The following GLIS3 variants were observed in gnomAD, a reference collection of about 807,000 sequenced individuals.
GLIS3 encodes the protein GLIS family zinc finger 3.
GLIS3 carries 53 observed loss-of-function variants against 78.6 expected under a neutral mutation model. The ratio of observed to expected loss-of-function variants is 0.67; its 90% confidence interval spans 0.54 to 0.85. The LOEUF is 0.85. GLIS3 is among the 40% of genes least tolerant of loss of function. GLIS3 has a pLI of 0.00. For synonymous variants in GLIS3, 684 were observed against 509.9 expected, an observed-to-expected ratio of 1.34 and a Z score of -4.60; for missense variants, 1,703 against 1,231.1, an observed-to-expected ratio of 1.38 and a Z score of -5.74.
intron 2 of GLIS3, among the ~76,000 whole-genome samples, chr9:4,315,642 C>G (rs1348292366): frequency 1.3e-5 from 2 of 152,100 alleles, no homozygotes; most frequent in Non-Finnish European, 2.9e-5. Flanking sequence ...CTTTGTGTGG[C>G]TACATTCTCA....
At chr9:4,459,751 G>C in the GLIS3 span, among the ~76,000 whole-genome samples, 1 of 152,174 alleles carries the variant, frequency 6.6e-6, no homozygotes, top group Non-Finnish European at 1.5e-5. Flanking sequence ...CATGGCTGCA[G>C]TCAGCCATGT....
chr9:4,130,259 A>G lies in GLIS3; in HGVS notation c.389-4318T>C, dbSNP rs112957048. ...ATTTACAGCCTGGCCATGTGGTAGA[A>G]AAGAAAAAAGCGTTTTCAGGAGAGG... On this transcript the variant is annotated intron_variant, in intron 2 of 10. Coordinates refer to ENST00000381971, the MANE Select transcript of GLIS3 (RefSeq NM_001042413.2). Among the ~76,000 whole-genome samples the G allele has an allele frequency of 4.6e-5, 7 of 152,390 alleles. No individual in the cohort carries two copies. The East Asian group carries it at 1.3e-3, about 29-fold the overall frequency.
intron 9 of GLIS3, among the ~76,000 whole-genome samples, chr9:3,832,536 C>T (rs1370323958): frequency 6.6e-6 from 1 of 152,126 alleles, no homozygotes; most frequent in African/African-American, 2.4e-5. Context: ...TTGGGGGCTC[C>T]AAACAGCAAC....
At chr9:4,446,320 G>C in the GLIS3 span, among the ~76,000 whole-genome samples, 1 of 152,122 alleles carries the variant, frequency 6.6e-6, no homozygotes, top group East Asian at 1.9e-4. Context: ...GATGCAGCCA[G>C]AGGCACCATC....
At chr9:3,829,914 C>G (rs766627632) in intron 9 of GLIS3, among the ~76,000 whole-genome samples, 12 of 152,152 alleles carry the variant, frequency 7.9e-5, no homozygotes, top group Admixed American at 3.9e-4. Context: ...TTGCAGAATG[C>G]TCTTAAAAAG....
At chr9:4,377,683 A>G in the GLIS3 span, among the ~76,000 whole-genome samples, 12 of 152,176 alleles carry the variant, frequency 7.9e-5, no homozygotes, top group African/African-American at 2.9e-4. Context: ...CTGGTTTTAC[A>G]TTATTACAAG....
intron 2 of GLIS3, among the ~76,000 whole-genome samples, chr9:4,330,235 G>A (rs1817664593): frequency 6.6e-6 from 1 of 152,216 alleles, no homozygotes; most frequent in Admixed American, 6.5e-5. Context: ...TCCCAAGACA[G>A]CAAGGTGTAG....
chr9:4,390,199 G>C, the GLIS3 span, among the ~76,000 whole-genome samples: 1 of 152,216 alleles, frequency 6.6e-6, no homozygotes, highest in South Asian at 2.1e-4. Flanking sequence ...GTTGGAGGGG[G>C]AAAGCAGCAG....
intron 2 of GLIS3, among the ~76,000 whole-genome samples, chr9:4,330,475 G>T (rs1319846664): frequency 6.6e-6 from 1 of 152,256 alleles, no homozygotes; most frequent in African/African-American, 2.4e-5. Flanking sequence ...AAAAGCGAAA[G>T]ACCCAGTCAG....
the GLIS3 span, among the ~76,000 whole-genome samples, chr9:4,379,847 C>T: frequency 6.6e-6 from 1 of 152,116 alleles, no homozygotes; most frequent in Non-Finnish European, 1.5e-5. Flanking sequence ...ATTTGACACA[C>T]ATCATATTAT....
chr9:4,376,820 T>C, the GLIS3 span, among the ~76,000 whole-genome samples: 2 of 135,266 alleles, frequency 1.5e-5, 1 homozygote, highest in Non-Finnish European at 3.3e-5. Flanking sequence ...TGTGTTCTGG[T>C]GGGAGAGTAT....
In GLIS3 at chr9:4,101,490, C is replaced by T. The variant is rs535021165; in HGVS notation, c.1710+16278G>A. Among the ~76,000 whole-genome samples the T allele has an allele frequency of 4.6e-5, 7 of 152,236 alleles. No homozygotes were observed. The South Asian group carries it at 8.3e-4, about 18-fold the overall frequency. ...TATCATTTGTCAGTGTCTATTATTG[C>T]TACTAGTTGTTCTAAACAAAATATC... On this transcript the variant is annotated intron_variant, in intron 4 of 10. Transcript: ENST00000381971.
At chr9:4,396,986 C>G in the GLIS3 span, among the ~76,000 whole-genome samples, 1 of 148,406 alleles carries the variant, frequency 6.7e-6, no homozygotes, top group Non-Finnish European at 1.5e-5. Flanking sequence ...ATGTTATTGT[C>G]TTGCCCTGTG....
chr9:4,273,830 T>C (rs1422817761), intron 2 of GLIS3, among the ~76,000 whole-genome samples: 1 of 152,256 alleles, frequency 6.6e-6, no homozygotes, highest in South Asian at 2.1e-4. Context: ...TCTCAGCTTC[T>C]TGACTCCAAA....
In GLIS3 at chr9:3,828,907, G is replaced by T. The variant is rs147313807; in HGVS notation, c.2656+403C>A. Among the ~76,000 whole-genome samples the T allele has an allele frequency of 3.4e-4, 52 of 152,286 alleles. No homozygotes were observed. The East Asian group carries it at 8.9e-3, about 26-fold the overall frequency. On this transcript the variant is annotated intron_variant, in intron 10 of 10. Coordinates refer to ENST00000381971, the MANE Select transcript of GLIS3 (RefSeq NM_001042413.2). The stretch of plus-strand genomic sequence containing the variant: ...GGCCTAACTTATGGGGGCTTTGAAT[G>T]CCATGCTGGAGAGTCGAATTTATTC...
intron 9 of GLIS3, among the ~76,000 whole-genome samples, chr9:3,833,364 T>C (rs1818160412): frequency 6.6e-6 from 1 of 152,202 alleles, no homozygotes; most frequent in African/African-American, 2.4e-5. Flanking sequence ...TTTAAAAAAT[T>C]CCGTTAGGGT....
chr9:4,462,264 C>T, the GLIS3 span, among the ~76,000 whole-genome samples: 1 of 152,250 alleles, frequency 6.6e-6, no homozygotes, highest in African/African-American at 2.4e-5. Flanking sequence ...TGCAATAAGA[C>T]AAGCCCAGAA....
chr9:4,152,176 T>C (rs1834735225), intron 2 of GLIS3: 4 of 959,418 alleles, frequency 4.2e-6, no homozygotes, highest in East Asian at 2.3e-4. Context: ...CCTTCAACCA[T>C]AAAGGATGTG....
intron 4 of GLIS3, among the ~76,000 whole-genome samples, chr9:4,104,409 CT>C (rs1449357009): frequency 2.6e-5 from 4 of 152,176 alleles, no homozygotes; most frequent in African/African-American, 4.8e-5. Context: ...GCTATCCCAA[CT>C]TCTACCACTG....
Sources: gnomAD v4.1 joint callset for allele counts (sites outside exome capture counted in the v4.1 genomes callset) on GRCh38, gnomAD v4.1.1 for gene constraint, MANE v1.5 for transcripts, NCBI Gene and HGNC (gene_info 2026-07-23, HGNC 2026-07-21) for gene names.